Variants in GRM7 observed in about 807,000 individuals in gnomAD.
GRM7 encodes metabotropic glutamate receptor 7.
GRM7 carries 35 observed loss-of-function variants against 84.5 expected under a neutral mutation model. That is an observed-to-expected ratio of 0.41 (90% CI 0.32 to 0.55). GRM7 has a LOEUF of 0.55. Ranked by LOEUF, GRM7 falls within the 20% of genes least tolerant of loss-of-function variation. The pLI is 0.19. For synonymous variants in GRM7, 487 were observed against 455.1 expected, an observed-to-expected ratio of 1.07 and a Z score of -0.89; for missense variants, 1,003 against 1,194.6, an observed-to-expected ratio of 0.84 and a Z score of 2.36.
chr3:7,317,675 C>G (rs941561663), intron 4 of GRM7, among the ~76,000 whole-genome samples: 5 of 151,802 alleles, frequency 3.3e-5, no homozygotes, highest in Non-Finnish European at 7.4e-5. Context: ...TTTTGATAGT[C>G]TATTCTAGTG....
Position 7,099,392 on chromosome 3 carries a change from T to C in GRM7, c.520-47060T>C, listed in dbSNP as rs138704319. On this transcript the variant is annotated intron_variant, in intron 1 of 9. Transcript: ENST00000357716. The stretch of plus-strand genomic sequence containing the variant: ...CATATATACATATATAATATATACA[T>C]TATATACATACATAATACATATTAT... Among the ~76,000 whole-genome samples, 543 of 148,286 alleles carry C rather than the reference T, an allele frequency of 3.7e-3. 14 individuals carry two copies. Among genetic ancestry groups the C allele is most frequent in the African/African-American group, 0.013 (522 of 40,682 alleles).
At chr3:7,009,904 C>A (rs1695311264) in intron 1 of GRM7, among the ~76,000 whole-genome samples, 1 of 152,066 alleles carries the variant, frequency 6.6e-6, no homozygotes, top group African/African-American at 2.4e-5. Context: ...GAATCAGACT[C>A]CAAAATGTTA....
rs143326868 is a variant in GRM7 at position 7,150,069 on chromosome 3, A to ATG, written c.736+3418_736+3419dup. On this transcript the variant is annotated intron_variant, in intron 2 of 9. Coordinates refer to ENST00000357716, the MANE Select transcript of GRM7 (RefSeq NM_000844.4). ...AGAATATGTGTATGTGTATACATAT[A>ATG]TGTGTGTGTGTGTGTGTGAGAGAGA... 2.4e-3 allele frequency among the ~76,000 whole-genome samples: 345 copies of ATG among 143,470 alleles called. 1 individual carries two copies. Among genetic ancestry groups the ATG allele is most frequent in the Admixed American group, 7.8e-3 (113 of 14,472 alleles). The allele number at this position is 143,470 out of a possible 152,430, so 94.1% of individuals were successfully genotyped here. A position where few individuals can be genotyped will look rare whatever the true frequency, so the allele number is the denominator to read the frequency against.
At chr3:7,397,771 A>G (rs1045431346) in intron 4 of GRM7, among the ~76,000 whole-genome samples, 5 of 152,088 alleles carry the variant, frequency 3.3e-5, no homozygotes, top group African/African-American at 1.2e-4. Context: ...GACACTTGGC[A>G]ATGTATGAAG....
At chr3:7,687,394 C>T (rs768913324) in intron 9 of GRM7, among the ~76,000 whole-genome samples, 6 of 152,134 alleles carry the variant, frequency 3.9e-5, no homozygotes, top group South Asian at 2.1e-4. Context: ...CAATATTACA[C>T]GACAGTGGAA....
At chr3:7,069,788 C>G (rs2124982177) in intron 1 of GRM7, among the ~76,000 whole-genome samples, 1 of 152,162 alleles carries the variant, frequency 6.6e-6, no homozygotes, top group South Asian at 2.1e-4. Flanking sequence ...TTTTATAGAT[C>G]TGTGTAGCTG....
intron 8 of GRM7, among the ~76,000 whole-genome samples, chr3:7,588,032 C>T (rs1422150183): frequency 6.6e-6 from 1 of 152,074 alleles, no homozygotes; most frequent in Non-Finnish European, 1.5e-5. Context: ...ACCCTCCCTC[C>T]CCAAGTAAAG....
intron 2 of GRM7, among the ~76,000 whole-genome samples, chr3:7,227,707 A>G (rs1308672212): frequency 6.6e-6 from 1 of 152,206 alleles, no homozygotes; most frequent in Non-Finnish European, 1.5e-5. Context: ...ATTCTTTTAA[A>G]GCATAAAGGG....
chr3:7,188,968 G>C lies in GRM7; in HGVS notation c.736+42300G>C, dbSNP rs1369823213. Among the ~76,000 whole-genome samples, 1 of 152,152 alleles carries C rather than the reference G, an allele frequency of 6.6e-6. No homozygotes were observed. Among genetic ancestry groups the C allele is most frequent in the East Asian group, 1.9e-4 (1 of 5,194 alleles). Reference sequence around the variant, plus strand: ...GTGTGTGGACTCATCTAGGAACAAAGAGCCTAGGAGCTGTACTTTCTGAGT... The same window carrying C: ...GTGTGTGGACTCATCTAGGAACAAACAGCCTAGGAGCTGTACTTTCTGAGT... On this transcript the variant is annotated intron_variant, in intron 2 of 9. Coordinates refer to ENST00000357716, the MANE Select transcript of GRM7 (RefSeq NM_000844.4). The surrounding 1 kb of genome is among the most constrained non-coding windows in gnomAD (Gnocchi z 4.2).
Position 7,385,432 on chromosome 3 carries a change from C to T in GRM7, c.1034-29591C>T, listed in dbSNP as rs752590637. 2.6e-4 allele frequency among the ~76,000 whole-genome samples: 40 copies of T among 151,070 alleles called. No homozygotes were observed. In the Middle Eastern group the frequency reaches 0.014, roughly 52 times the overall value. On this transcript the variant is annotated intron_variant, in intron 4 of 9. Transcript: ENST00000357716. ...TCTCCTGCCTCAGCCTCTTGAGTAG[C>T]TGGGATTACAGGCGCTCACCACCAC...
chr3:7,147,686 C>G (rs1433347294), intron 2 of GRM7, among the ~76,000 whole-genome samples: 1 of 152,066 alleles, frequency 6.6e-6, no homozygotes, highest in Non-Finnish European at 1.5e-5. Flanking sequence ...GAAACTAGGA[C>G]TTGTTTATAA....
intron 1 of GRM7, among the ~76,000 whole-genome samples, chr3:6,896,916 G>A (rs907206250): frequency 1.3e-5 from 2 of 152,152 alleles, no homozygotes; most frequent in Admixed American, 6.6e-5. Flanking sequence ...GCATGTGAAT[G>A]TATGTGTGTG....
At chr3:7,169,250 T>C (rs1694905267) in intron 2 of GRM7, among the ~76,000 whole-genome samples, 1 of 152,134 alleles carries the variant, frequency 6.6e-6, no homozygotes. Context: ...ATATCAAAAG[T>C]TTGCCCCTAA....
At chr3:7,008,066 T>C (rs1002314082) in intron 1 of GRM7, among the ~76,000 whole-genome samples, 1 of 152,198 alleles carries the variant, frequency 6.6e-6, no homozygotes, top group Non-Finnish European at 1.5e-5. Context: ...TGGTATAGAC[T>C]CCCTACACTG....
At chr3:7,424,177 A>G (rs1303807540) in intron 5 of GRM7, among the ~76,000 whole-genome samples, 3 of 152,134 alleles carry the variant, frequency 2.0e-5, no homozygotes, top group African/African-American at 7.2e-5. Flanking sequence ...CTCATTCACA[A>G]GAATTAAATA....
intron 1 of GRM7, among the ~76,000 whole-genome samples, chr3:6,886,407 A>G (rs1695697850): frequency 6.6e-6 from 1 of 152,118 alleles, no homozygotes; most frequent in Non-Finnish European, 1.5e-5. Flanking sequence ...TGATGAGTTG[A>G]TGGGTGTAGC....
At chr3:7,550,567 C>CTGTGTGTGTG (rs1346206686) in intron 7 of GRM7, among the ~76,000 whole-genome samples, 2 of 101,872 alleles carry the variant, frequency 2.0e-5, no homozygotes, top group African/African-American at 6.3e-5. Flanking sequence ...CTCTCTCTCT[C>CTGTGTGTGTG]TCTCTCTCTC....
chr3:7,630,339 A>C (rs938278318), intron 8 of GRM7, among the ~76,000 whole-genome samples: 3 of 152,164 alleles, frequency 2.0e-5, no homozygotes, highest in African/African-American at 7.2e-5. Context: ...TGACGAAAGA[A>C]TCATCCCAGC....
At chr3:6,884,890 G>A (rs527991284) in intron 1 of GRM7, among the ~76,000 whole-genome samples, 3 of 152,232 alleles carry the variant, frequency 2.0e-5, no homozygotes, top group Admixed American at 6.5e-5. Context: ...GAGCCACCGC[G>A]CCCGGCCAGA....
Sources: allele counts gnomAD v4.1 joint callset (sites outside exome capture counted in the v4.1 genomes callset), GRCh38; gene constraint gnomAD v4.1.1; non-coding constraint Gnocchi (gnomAD v3.1); transcripts MANE v1.5; gene names NCBI Gene and HGNC (gene_info 2026-07-23, HGNC 2026-07-21).